The following TOP2B variants were observed in gnomAD, a reference collection of about 807,000 sequenced individuals.
The protein encoded by TOP2B is DNA topoisomerase II beta, also known as DNA topoisomerase 2-beta.
In TOP2B, 51 loss-of-function variants were observed where a neutral mutation model predicts 193.5. The ratio of observed to expected loss-of-function variants is 0.26; its 90% confidence interval spans 0.21 to 0.33. TOP2B has a LOEUF of 0.33. Ranked by LOEUF, TOP2B falls within the 10% of genes least tolerant of loss-of-function variation. The probability of loss-of-function intolerance (pLI) is 1.00; values close to 1 mark genes in which losing one functional copy is unlikely to be tolerated. For synonymous variants in TOP2B, 634 were observed against 635.7 expected (o/e 1.00, Z 0.04); for missense variants, 1,378 against 1,909.3 (o/e 0.72, Z 5.19).
chr3:25,637,459 A>G, intron 5 of TOP2B, 147 bp from the exon 6 acceptor site: 1 of 602,010 alleles, frequency 1.7e-6, no homozygotes, highest in Admixed American at 3.0e-5. Context: ...GTATATTTAG[A>G]TTTTCTTCCA....
intron 1 of TOP2B, among the ~76,000 whole-genome samples, chr3:25,658,070 A>AAAAACAAAAAAAAAAAAAC (rs1703802207): frequency 2.7e-5 from 2 of 74,634 alleles, no homozygotes; most frequent in Non-Finnish European, 5.1e-5. Context: ...CAAAAAAAAA[A>AAAAACAAAAAAAAAAAAAC]AAAAAAAATT....
intron 19 of TOP2B, 45 bp downstream of exon 19, chr3:25,624,637 A>G (rs758056069): frequency 1.2e-6 from 2 of 1,602,244 alleles, no homozygotes; most frequent in Non-Finnish European, 8.5e-7. Flanking sequence ...TCATTCTTCA[A>G]GACAATAATT....
intron 1 of TOP2B, among the ~76,000 whole-genome samples, chr3:25,654,626 T>A (rs1179718894): frequency 6.6e-6 from 1 of 152,146 alleles, no homozygotes; most frequent in Non-Finnish European, 1.5e-5. Flanking sequence ...TAGAGCTAAA[T>A]CAGTCTTTAA....
chr3:25,643,998 T>C (rs924146178), intron 2 of TOP2B, among the ~76,000 whole-genome samples: 1 of 152,180 alleles, frequency 6.6e-6, no homozygotes, highest in African/African-American at 2.4e-5. Flanking sequence ...TTTGTATTAT[T>C]ATAAAGTCAG....
intron 4 of TOP2B, among the ~76,000 whole-genome samples, chr3:25,641,974 C>T (rs1703276886): frequency 6.6e-6 from 1 of 151,936 alleles, no homozygotes; most frequent in African/African-American, 2.4e-5. Flanking sequence ...CTCCAAACAC[C>T]AGTCATGAAA....
At chr3:25,605,880 AAAAGT>A (rs1346605473) in intron 32 of TOP2B, among the ~76,000 whole-genome samples, 158 bp downstream of exon 32, 1 of 152,124 alleles carries the variant, frequency 6.6e-6, no homozygotes, top group African/African-American at 2.4e-5. Flanking sequence ...TCACCTCAGA[AAAAGT>A]AAAGAAGCCT....
chr3:25,654,648 A>C (rs2125406729), intron 1 of TOP2B, among the ~76,000 whole-genome samples: 1 of 152,324 alleles, frequency 6.6e-6, no homozygotes, highest in South Asian at 2.1e-4. Context: ...CAGAAGAATA[A>C]AGCTAAAGGC....
intron 1 of TOP2B, among the ~76,000 whole-genome samples, chr3:25,662,165 A>C (rs1329398086): frequency 1.3e-5 from 2 of 152,236 alleles, no homozygotes; most frequent in East Asian, 3.8e-4. Flanking sequence ...ATCTCATTTC[A>C]TTCTCAATGC....
chr3:25,615,480 G>C lies in TOP2B; in HGVS notation c.3458C>G (p.Ser1153Cys). ...TTCTTCAACTTTTTCTTTAGTAAGA[G>C]ACCACAGAGACATATTTAAAATATA... is the stretch of plus-strand genomic sequence containing the variant. ...FNYILNMSLWSLTKEKVEELI... is the reference protein window; with the variant it reads ...FNYILNMSLWCLTKEKVEELI... Residue 1153 changes from serine (S) to cysteine (C), a missense_variant, in exon 26 of 36, where the codon TCT (serine) becomes TGT (cysteine). By Grantham distance (112) the Ser-to-Cys change is moderately radical. Around this residue, in one of 9 missense-constraint regions of TOP2B, gnomAD observed 556 missense variants for 584.2 expected, o/e 0.95. Coordinates refer to ENST00000264331, the MANE Select transcript of TOP2B (RefSeq NM_001330700.2). 1.3e-6 allele frequency: 2 copies of C among 1,572,936 alleles called. No homozygotes were observed. The highest frequency in any genetic ancestry group is 3.6e-5 in the Admixed American group (2 of 54,892).
chr3:25,624,505 C>G, intron 19 of TOP2B, 60 bp from the exon 20 acceptor site: 1 of 1,567,956 alleles, frequency 6.4e-7, no homozygotes, highest in Non-Finnish European at 8.6e-7. Context: ...ATAATTACTC[C>G]CCAACTTGAA....
At chr3:25,618,301 A>G in intron 25 of TOP2B, 117 bp downstream of exon 25, 1 of 692,644 alleles carries the variant, frequency 1.4e-6, no homozygotes, top group Non-Finnish European at 2.5e-6. Flanking sequence ...TAGTCTCTAA[A>G]TAGACAACTC....
Position 25,636,165 on chromosome 3 carries a change from T to C in TOP2B, c.640-17A>G. ...CATCCATGTCTTTAAAAGAAAAAAA[T>C]TCAAATATTTCTATAATGCTTCCAT... On this transcript the variant is annotated splice_polypyrimidine_tract_variant and intron_variant, in intron 6 of 35. Transcript: ENST00000264331. 2 of 1,470,374 alleles carry C rather than the reference T, an allele frequency of 1.4e-6. No homozygotes were observed. Among genetic ancestry groups the C allele is most frequent in the Non-Finnish European group, 1.9e-6 (2 of 1,078,968 alleles). 91.1% of individuals were successfully genotyped at this position (1,470,374 alleles called of 1,614,324 possible).
intron 28 of TOP2B, among the ~76,000 whole-genome samples, chr3:25,612,112 T>A (rs1172990316): frequency 8.6e-5 from 13 of 151,932 alleles, no homozygotes; most frequent in Admixed American, 8.5e-4. Context: ...CAGCTAATTT[T>A]TTGTATTTTT....
rs1702637032 is a variant in TOP2B at position 25,620,735 on chromosome 3, C to T, written c.2809G>A (p.Val937Met). Residue 937 changes from valine to methionine, a missense_variant, in exon 22 of 36, where the codon GTG becomes ATG. Physicochemically the swap from Val to Met is conservative, Grantham distance 21. Around this residue, in one of 9 missense-constraint regions of TOP2B, gnomAD observed 379 missense variants for 615.1 expected, o/e 0.62. Transcript: ENST00000264331. Reference sequence around the variant, plus strand: ...GTAATTTCTACTGTGTTTCTGTCCACTACAAATATTTCACCACTGACTGCA... The same window carrying T: ...GTAATTTCTACTGTGTTTCTGTCCATTACAAATATTTCACCACTGACTGCA... ...QYAVSGEIFV[V>M]DRNTVEITEL... 6.2e-7 allele frequency: 1 copy of T among 1,613,088 alleles called. No individual in the cohort carries two copies. The highest frequency in any genetic ancestry group is 8.5e-7 in the Non-Finnish European group (1 of 1,179,506).
chr3:25,651,012 C>T (rs78192887), intron 1 of TOP2B, among the ~76,000 whole-genome samples: 8,391 of 152,126 alleles, frequency 0.055, 750 homozygotes, highest in African/African-American at 0.19. Context: ...TGTTCAGACA[C>T]GTTATAACAA....
Position 25,598,491 on chromosome 3 carries a change from C to CAATAGATTT in TOP2B, c.4711-23_4711-15dup. The CAATAGATTT allele has an allele frequency of 7.2e-7, 1 of 1,392,750 alleles. No individual in the cohort carries two copies. Among genetic ancestry groups the CAATAGATTT allele is most frequent in the Non-Finnish European group, 9.8e-7 (1 of 1,017,774 alleles). 86.3% of individuals were successfully genotyped at this position (1,392,750 alleles called of 1,614,324 possible). ...CTTCTTCGGTTTCTAGATTTTTTTTCAATAGATTTAAAAGTTATGAAAGGA... is the reference window on the plus strand; with the variant it reads ...CTTCTTCGGTTTCTAGATTTTTTTTCAATAGATTTAATAGATTTAAAAGTTATGAAAGGA... On this transcript the variant is annotated splice_polypyrimidine_tract_variant and intron_variant, in intron 35 of 35. Coordinates refer to ENST00000264331, the MANE Select transcript of TOP2B (RefSeq NM_001330700.2).
rs760465771 is a variant in TOP2B, at chr3:25,599,538, G to A, written c.4616-9C>T. ...TGCCCCTCGGCCTTTACCTTAAAAT[G>A]ATACAAAAGGTTTTTTCTTCCGTGG... On this transcript the variant is annotated splice_polypyrimidine_tract_variant and intron_variant, in intron 34 of 35. Coordinates refer to ENST00000264331, the MANE Select transcript of TOP2B (RefSeq NM_001330700.2). The A allele has an allele frequency of 4.4e-6, 7 of 1,605,802 alleles. No individual in the cohort carries two copies. In the East Asian group the frequency reaches 1.6e-4, roughly 36 times the overall value.
chr3:25,629,316 G>T (rs976085111), intron 13 of TOP2B, among the ~76,000 whole-genome samples, 171 bp from the exon 14 acceptor site: 22 of 151,816 alleles, frequency 1.4e-4, no homozygotes, highest in African/African-American at 4.1e-4. Context: ...CACAAATAAA[G>T]AATATAGTAG....
chr3:25,617,251 C>T (rs1284797105), intron 25 of TOP2B, among the ~76,000 whole-genome samples: 2 of 151,870 alleles, frequency 1.3e-5, no homozygotes, highest in African/African-American at 2.4e-5. Context: ...TTTAAACCAA[C>T]GGTGATACAG....
Sources: gnomAD v4.1 joint callset for allele counts (sites outside exome capture counted in the v4.1 genomes callset) on GRCh38, gnomAD v4.1.1 for gene constraint, gnomAD v4.1.1 regional missense constraint, MANE v1.5 for transcripts, NCBI Gene and HGNC (gene_info 2026-07-23, HGNC 2026-07-21) for gene names.